The following PDGFD variants were observed in gnomAD, a reference collection of about 807,000 sequenced individuals.
PDGFD encodes the protein platelet-derived growth factor D.
A neutral mutation model predicts 44.7 loss-of-function variants in PDGFD; 30 were observed. The ratio of observed to expected loss-of-function variants is 0.67; its 90% CI spans 0.50 to 0.91. The LOEUF (loss-of-function observed/expected upper bound fraction) is 0.91, where lower values mean the gene tolerates loss of function less well. Ranked by LOEUF, PDGFD falls within the 40% of genes least tolerant of loss-of-function variation. The pLI is 0.00. For missense variants in PDGFD, 445 were observed against 457.8 expected (o/e 0.97, Z 0.25); for synonymous variants, 173 against 168.4 (o/e 1.03, Z -0.21).
At chr11:103,928,839 G>C (rs922559131) in intron 5 of PDGFD, among the ~76,000 whole-genome samples, 1 of 152,168 alleles carries the variant, frequency 6.6e-6, no homozygotes, top group Non-Finnish European at 1.5e-5. Context: ...AAGCAGAAAG[G>C]ATTACATAAA....
At chr11:104,031,391 A>G (rs1386945642) in intron 1 of PDGFD, among the ~76,000 whole-genome samples, 2 of 152,254 alleles carry the variant, frequency 1.3e-5, no homozygotes, top group Non-Finnish European at 2.9e-5. Context: ...TATTTAAAAA[A>G]GCTCAAGCAT....
intron 1 of PDGFD, among the ~76,000 whole-genome samples, chr11:104,109,834 A>G (rs1384903910): frequency 6.6e-6 from 1 of 152,092 alleles, no homozygotes; most frequent in Non-Finnish European, 1.5e-5. Flanking sequence ...AATATAGCAG[A>G]GTGCAGAGGT....
intron 1 of PDGFD, among the ~76,000 whole-genome samples, chr11:104,032,244 T>C (rs537103322): frequency 7.9e-5 from 12 of 152,284 alleles, no homozygotes; most frequent in African/African-American, 2.9e-4. Flanking sequence ...AAGAAATACA[T>C]GTTATTTGCT....
At chr11:104,050,503 C>G (rs908614921) in intron 1 of PDGFD, among the ~76,000 whole-genome samples, 4 of 152,142 alleles carry the variant, frequency 2.6e-5, no homozygotes, top group Non-Finnish European at 4.4e-5. Flanking sequence ...AGCACTGGAC[C>G]AGATAAGATA....
chr11:103,921,985 T>C (rs1171086910), intron 6 of PDGFD, among the ~76,000 whole-genome samples: 1 of 151,666 alleles, frequency 6.6e-6, no homozygotes, highest in Non-Finnish European at 1.5e-5. Context: ...CAAATATAGG[T>C]TATTCCTATC....
At chr11:103,962,290 C>T (rs1858950159) in intron 3 of PDGFD, among the ~76,000 whole-genome samples, 1 of 152,112 alleles carries the variant, frequency 6.6e-6, no homozygotes, top group Admixed American at 6.6e-5. Flanking sequence ...ACAAAATTAC[C>T]TTTCTTTTTC....
intron 1 of PDGFD, among the ~76,000 whole-genome samples, chr11:104,145,126 G>C (rs368065178): frequency 6.6e-6 from 1 of 152,176 alleles, no homozygotes; most frequent in African/African-American, 2.4e-5. Flanking sequence ...TGAGTACTGA[G>C]AGGGGTTGAG....
chr11:103,977,480 A>G (rs1859201583), intron 3 of PDGFD, among the ~76,000 whole-genome samples: 1 of 152,136 alleles, frequency 6.6e-6, no homozygotes, highest in Non-Finnish European at 1.5e-5. Context: ...AGTACGTCAA[A>G]AAGCTTGTCC....
chr11:104,105,473 A>G lies in PDGFD; in HGVS notation c.124+58331T>C, dbSNP rs116472566. On this transcript the variant is annotated intron_variant, in intron 1 of 6. Transcript: ENST00000393158. ...AGAAAAAAAAATAAACCATGTTTAC[A>G]TGGGTAAGAAAAAGCATTTGGTCAG... Among the ~76,000 whole-genome samples the G allele has an allele frequency of 7.2e-3, 1,090 of 152,280 alleles. 14 individuals carry two copies. The highest frequency in any genetic ancestry group is 0.025 in the African/African-American group (1,047 of 41,580).
intron 1 of PDGFD, among the ~76,000 whole-genome samples, chr11:104,118,778 A>G (rs1444470386): frequency 1.3e-5 from 1 of 75,638 alleles, no homozygotes. Flanking sequence ...ATTAATATAT[A>G]ATATATTATA....
chr11:104,025,711 G>T (rs1860032577), intron 1 of PDGFD, among the ~76,000 whole-genome samples: 1 of 152,180 alleles, frequency 6.6e-6, no homozygotes, highest in Admixed American at 6.5e-5. Context: ...AAAGCGGAAG[G>T]TGTCAGCATT....
intron 3 of PDGFD, among the ~76,000 whole-genome samples, chr11:103,989,373 G>C (rs1362230004): frequency 1.3e-5 from 2 of 152,184 alleles, no homozygotes; most frequent in African/African-American, 4.8e-5. Context: ...AGTATCCATG[G>C]AAGTGCCTTC....
Position 104,143,091 on chromosome 11 carries a change from A to G in PDGFD, c.124+20713T>C, listed in dbSNP as rs77361207. ...ACAGTGTGTATTTTCAGAACATAACAATAGGATATTGTCGTTAATATTCTG... is the reference window on the plus strand; with the variant it reads ...ACAGTGTGTATTTTCAGAACATAACGATAGGATATTGTCGTTAATATTCTG... On this transcript the variant is annotated intron_variant, in intron 1 of 6. Transcript: ENST00000393158. 1.2e-3 allele frequency among the ~76,000 whole-genome samples: 183 copies of G among 152,314 alleles called. 3 individuals are homozygous for G. The East Asian group carries it at 0.03, about 25-fold the overall frequency.
intron 1 of PDGFD, among the ~76,000 whole-genome samples, chr11:104,124,778 A>G (rs1310447870): frequency 6.6e-6 from 1 of 152,114 alleles, no homozygotes; most frequent in African/African-American, 2.4e-5. Flanking sequence ...TGCACTCCAC[A>G]TGCAGGCTTC....
chr11:103,942,880 C>A (rs747800498), intron 5 of PDGFD, among the ~76,000 whole-genome samples: 1 of 152,158 alleles, frequency 6.6e-6, no homozygotes, highest in African/African-American at 2.4e-5. Flanking sequence ...CTTCCTCTGA[C>A]TTGTCTGTCT....
At chr11:103,932,141 T>C (rs556338925) in intron 5 of PDGFD, among the ~76,000 whole-genome samples, 8 of 152,328 alleles carry the variant, frequency 5.3e-5, no homozygotes, top group East Asian at 1.9e-4. Context: ...AGACCTTGTT[T>C]TGTTTTCTTT....
At chr11:103,915,395 A>T (rs146448536) in intron 6 of PDGFD, among the ~76,000 whole-genome samples, 33 of 152,254 alleles carry the variant, frequency 2.2e-4, no homozygotes, top group African/African-American at 7.9e-4. Context: ...TACAAGGGAC[A>T]CGTAGGAACT....
intron 1 of PDGFD, among the ~76,000 whole-genome samples, chr11:104,111,262 C>CTTTTTTTTTT (rs373944945): frequency 3.3e-5 from 4 of 119,644 alleles, no homozygotes; most frequent in Admixed American, 1.8e-4. Context: ...ATTATTAATT[C>CTTTTTTTTTT]TTTTTTTTTT....
intron 1 of PDGFD, among the ~76,000 whole-genome samples, chr11:104,033,023 C>T (rs770239685): frequency 4.0e-5 from 6 of 150,676 alleles, no homozygotes; most frequent in Admixed American, 1.3e-4. Flanking sequence ...TAGGGATTTA[C>T]GGTATAACAA....
Sources: allele counts gnomAD v4.1 joint callset (sites outside exome capture counted in the v4.1 genomes callset), GRCh38; gene constraint gnomAD v4.1.1; transcripts MANE v1.5; gene names NCBI Gene and HGNC (gene_info 2026-07-23, HGNC 2026-07-21).